The following SLC38A12 variants were observed in gnomAD, a reference collection of about 807,000 sequenced individuals.
The protein encoded by SLC38A12 is solute carrier family 38 member 12.
the SLC38A12 span, chr17:74,785,703 C>T: frequency 1.4e-6 from 2 of 1,468,962 alleles, no homozygotes; most frequent in Non-Finnish European, 1.8e-6. Context: ...GGTGGGAAGA[C>T]ACCTGTCTAC....
the SLC38A12 span, among the ~76,000 whole-genome samples, chr17:74,817,840 C>T: frequency 6.6e-6 from 1 of 152,116 alleles, no homozygotes; most frequent in Non-Finnish European, 1.5e-5. Flanking sequence ...ATCTGACCTC[C>T]CACATAAGCC....
chr17:74,831,606 C>G, the SLC38A12 span, among the ~76,000 whole-genome samples: 1 of 152,162 alleles, frequency 6.6e-6, no homozygotes, highest in Non-Finnish European at 1.5e-5. Flanking sequence ...CTCCACCACT[C>G]AGAGCGGGAC....
the SLC38A12 span, chr17:74,836,345 C>G: frequency 8.1e-6 from 13 of 1,612,862 alleles, no homozygotes; most frequent in African/African-American, 1.3e-4. This position sits in a 1 kb window ranked among gnomAD's most constrained non-coding sequence, Gnocchi z 4.2. Context: ...GGAAGACACT[C>G]TTCCACCGCG....
At chr17:74,808,925 C>T in the SLC38A12 span, among the ~76,000 whole-genome samples, 2 of 152,196 alleles carry the variant, frequency 1.3e-5, no homozygotes, top group African/African-American at 4.8e-5. Flanking sequence ...CCCAGTGGGT[C>T]ATGGCATTAG....
chr17:74,798,352 C>T, the SLC38A12 span, among the ~76,000 whole-genome samples: 1 of 152,228 alleles, frequency 6.6e-6, no homozygotes, highest in Non-Finnish European at 1.5e-5. Context: ...CAGTAACTGT[C>T]TCCAGGGCTG....
At chr17:74,804,427 A>G in the SLC38A12 span, among the ~76,000 whole-genome samples, 1 of 152,234 alleles carries the variant, frequency 6.6e-6, no homozygotes. Context: ...AGAACCCCAG[A>G]GGGTTTACAG....
At chr17:74,819,732 CTT>C in the SLC38A12 span, 4 of 1,613,486 alleles carry the variant, frequency 2.5e-6, no homozygotes, top group Non-Finnish European at 3.4e-6. Flanking sequence ...CCTCCTCACT[CTT>C]GTTTCCATCC....
chr17:74,792,629 T>C, the SLC38A12 span, among the ~76,000 whole-genome samples: 1 of 152,214 alleles, frequency 6.6e-6, no homozygotes, highest in East Asian at 1.9e-4. Context: ...ACCAGTTCTT[T>C]CTAGTCTTAA....
At chr17:74,795,107 A>G in the SLC38A12 span, 2 of 1,613,936 alleles carry the variant, frequency 1.2e-6, no homozygotes, top group Non-Finnish European at 1.7e-6. Context: ...CATGCAGGTG[A>G]CCTGGTGAGT....
the SLC38A12 span, chr17:74,777,745 C>A: frequency 1.9e-3 from 1,054 of 563,098 alleles, 13 homozygotes; most frequent in African/African-American, 0.018. Flanking sequence ...CATGGTAAAA[C>A]CCTGTCTCTA....
chr17:74,783,602 A>G, the SLC38A12 span, among the ~76,000 whole-genome samples: 1 of 151,936 alleles, frequency 6.6e-6, no homozygotes, highest in African/African-American at 2.4e-5. Context: ...TCCTGCTCTC[A>G]AATATCCAGT....
At chr17:74,802,483 T>C in the SLC38A12 span, among the ~76,000 whole-genome samples, 129 of 152,288 alleles carry the variant, frequency 8.5e-4, 3 homozygotes, top group Non-Finnish European at 2.8e-4. Context: ...CAGGGTCTTA[T>C]GTTCTTGCTT....
chr17:74,806,920 C>T, the SLC38A12 span, among the ~76,000 whole-genome samples: 2 of 152,158 alleles, frequency 1.3e-5, no homozygotes, highest in Admixed American at 1.3e-4. Context: ...GCACACCCAG[C>T]GCCTCACAGC....
the SLC38A12 span, among the ~76,000 whole-genome samples, chr17:74,780,485 T>C: frequency 6.6e-6 from 1 of 152,336 alleles, no homozygotes; most frequent in African/African-American, 2.4e-5. Flanking sequence ...AAGACTGCAG[T>C]AGAGCCTATT....
the SLC38A12 span, chr17:74,837,336 C>G: frequency 4.2e-5 from 41 of 985,400 alleles, no homozygotes; most frequent in Non-Finnish European, 4.7e-5. Context: ...GCTGTGGGCG[C>G]GAGCTCCGGA....
the SLC38A12 span, among the ~76,000 whole-genome samples, chr17:74,830,637 G>T: frequency 6.6e-6 from 1 of 152,226 alleles, no homozygotes. Flanking sequence ...CCAGATGCCC[G>T]TACACTGGAT....
chr17:74,799,684 C>T, the SLC38A12 span, among the ~76,000 whole-genome samples: 43 of 152,324 alleles, frequency 2.8e-4, no homozygotes, highest in African/African-American at 1.0e-3. Flanking sequence ...AGGGTCCTTC[C>T]AGCCCTGTTT....
the SLC38A12 span, among the ~76,000 whole-genome samples, chr17:74,835,723 G>A: frequency 1.3e-5 from 2 of 152,240 alleles, no homozygotes; most frequent in African/African-American, 4.8e-5. Flanking sequence ...GCAGGGAGAG[G>A]GGAGAACAGG....
chr17:74,813,043 A>C, the SLC38A12 span, among the ~76,000 whole-genome samples: 4 of 152,234 alleles, frequency 2.6e-5, no homozygotes, highest in Non-Finnish European at 5.9e-5. Flanking sequence ...CTGCCCACAT[A>C]GTAACCAACC....
Sources: allele counts gnomAD v4.1 joint callset (sites outside exome capture counted in the v4.1 genomes callset), GRCh38; gene constraint gnomAD v4.1.1; non-coding constraint Gnocchi (gnomAD v3.1); transcripts MANE v1.5; gene names NCBI Gene and HGNC (gene_info 2026-07-23, HGNC 2026-07-21).